Variants in RANBP2 observed in about 807,000 individuals in gnomAD.
RANBP2 encodes the protein E3 SUMO-protein ligase RanBP2.
In RANBP2, 57 loss-of-function variants were observed where a neutral mutation model predicts 303.6. That is an observed-to-expected ratio of 0.19 (90% confidence interval 0.15 to 0.23). The LOEUF is 0.23. RANBP2 is among the 10% of genes least tolerant of loss of function. The pLI, the probability that RANBP2 is intolerant of heterozygous loss-of-function variation, is 1.00. For synonymous variants in RANBP2, 1,167 were observed against 1,301.5 expected, an observed-to-expected ratio of 0.90 and a Z score of 2.23; for missense variants, 3,138 against 3,780.8, an observed-to-expected ratio of 0.83 and a Z score of 4.46.
At chr2:109,610,114 G>C in the RANBP2 span, among the ~76,000 whole-genome samples, 1 of 147,934 alleles carries the variant, frequency 6.8e-6, no homozygotes, top group Non-Finnish European at 1.5e-5. Flanking sequence ...TTTTTAGACA[G>C]AGTCTCACTC....
the RANBP2 span, among the ~76,000 whole-genome samples, chr2:109,458,477 GAAT>G: frequency 6.6e-6 from 1 of 151,802 alleles, no homozygotes; most frequent in East Asian, 1.9e-4. Context: ...GTGAAAATGG[GAAT>G]AATGTCTTTT....
chr2:108,874,974 A>G, the RANBP2 span, among the ~76,000 whole-genome samples: 1 of 151,846 alleles, frequency 6.6e-6, no homozygotes, highest in Admixed American at 6.6e-5. Context: ...TTGGGCCAAA[A>G]TGTTTTACTA....
At chr2:109,179,349 C>T in the RANBP2 span, among the ~76,000 whole-genome samples, 2 of 152,224 alleles carry the variant, frequency 1.3e-5, no homozygotes, top group Non-Finnish European at 2.9e-5. Context: ...CAGACTCTTC[C>T]TGTATTAGAT....
chr2:109,690,258 T>G, the RANBP2 span, among the ~76,000 whole-genome samples: 3 of 152,306 alleles, frequency 2.0e-5, no homozygotes, highest in East Asian at 5.8e-4. Flanking sequence ...AATTAACATA[T>G]GTAAGATGAA....
the RANBP2 span, among the ~76,000 whole-genome samples, chr2:109,576,291 G>T: frequency 2.0e-5 from 3 of 151,836 alleles, no homozygotes; most frequent in African/African-American, 4.8e-5. Context: ...TATAGACAGG[G>T]TCTCGTTGTG....
At chr2:109,340,907 GA>G in the RANBP2 span, among the ~76,000 whole-genome samples, 2,038 of 150,392 alleles carry the variant, frequency 0.014, 40 homozygotes, top group African/African-American at 0.045. Context: ...AAAAAAGGAA[GA>G]AAAAAAAAAT....
the RANBP2 span, among the ~76,000 whole-genome samples, chr2:109,711,646 T>C: frequency 1.3e-5 from 2 of 152,204 alleles, no homozygotes; most frequent in Admixed American, 6.5e-5. Context: ...TGGCCTGGCC[T>C]GCCCTCCAAC....
the RANBP2 span, among the ~76,000 whole-genome samples, chr2:108,944,153 A>C: frequency 6.6e-6 from 1 of 151,972 alleles, no homozygotes; most frequent in African/African-American, 2.4e-5. Context: ...TCGCTCTGTC[A>C]GCCAGGCTGG....
the RANBP2 span, among the ~76,000 whole-genome samples, chr2:109,156,630 G>C: frequency 6.6e-6 from 1 of 152,156 alleles, no homozygotes; most frequent in African/African-American, 2.4e-5. Context: ...ATTTTTAGTA[G>C]AGATGGGGTT....
the RANBP2 span, among the ~76,000 whole-genome samples, chr2:109,266,111 GT>G: frequency 6.6e-6 from 1 of 151,008 alleles, no homozygotes; most frequent in African/African-American, 2.4e-5. Context: ...TGTGTGTTGT[GT>G]GTATGTGTAT....
the RANBP2 span, among the ~76,000 whole-genome samples, chr2:109,702,160 G>T: frequency 6.6e-6 from 1 of 152,230 alleles, no homozygotes; most frequent in Non-Finnish European, 1.5e-5. Flanking sequence ...GTGTGACTTG[G>T]TGTGTTAGCT....
the RANBP2 span, among the ~76,000 whole-genome samples, chr2:108,997,075 T>A: frequency 6.6e-6 from 1 of 152,178 alleles, no homozygotes; most frequent in Non-Finnish European, 1.5e-5. Context: ...AACTAGTCTC[T>A]GTTGCCAGAA....
At chr2:109,643,085 G>A in the RANBP2 span, among the ~76,000 whole-genome samples, 1 of 152,094 alleles carries the variant, frequency 6.6e-6, no homozygotes, top group Non-Finnish European at 1.5e-5. Flanking sequence ...AGGAGGCTGA[G>A]GTGGGAGGAT....
chr2:109,648,381 C>T, the RANBP2 span, among the ~76,000 whole-genome samples: 12 of 152,218 alleles, frequency 7.9e-5, no homozygotes, highest in East Asian at 7.7e-4. Context: ...GAGGCAGTTT[C>T]ACTCTTGTTG....
chr2:109,436,710 A>G, the RANBP2 span, among the ~76,000 whole-genome samples: 1 of 152,210 alleles, frequency 6.6e-6, no homozygotes, highest in African/African-American at 2.4e-5. Context: ...TTTGCACCCC[A>G]TGAAGGTTTT....
chr2:108,972,480 G>A, the RANBP2 span, among the ~76,000 whole-genome samples: 2 of 152,196 alleles, frequency 1.3e-5, no homozygotes, highest in Non-Finnish European at 1.5e-5. Flanking sequence ...AATCCTGCCC[G>A]CTGTGGGAGT....
the RANBP2 span, among the ~76,000 whole-genome samples, chr2:108,841,105 G>A: frequency 6.6e-6 from 1 of 152,028 alleles, no homozygotes; most frequent in Non-Finnish European, 1.5e-5. Context: ...CAAAGTACTG[G>A]GATTACAGGT....
At chr2:108,839,929 A>C in the RANBP2 span, among the ~76,000 whole-genome samples, 2 of 151,938 alleles carry the variant, frequency 1.3e-5, no homozygotes, top group Admixed American at 1.3e-4. Flanking sequence ...GAGAGTAGTC[A>C]TCCTTGCCTT....
the RANBP2 span, among the ~76,000 whole-genome samples, chr2:109,220,052 T>C: frequency 6.6e-6 from 1 of 152,220 alleles, no homozygotes; most frequent in Non-Finnish European, 1.5e-5. Context: ...TAATCAAAAC[T>C]ATGTTATTAG....
Sources: allele counts gnomAD v4.1 joint callset (sites outside exome capture counted in the v4.1 genomes callset), GRCh38; gene constraint gnomAD v4.1.1; transcripts MANE v1.5; gene names NCBI Gene and HGNC (gene_info 2026-07-23, HGNC 2026-07-21).